The following PRKAG3 variants were observed in gnomAD, a reference collection of about 807,000 sequenced individuals.
The protein encoded by PRKAG3 is protein kinase AMP-activated non-catalytic subunit gamma 3.
Under a neutral mutation model 56.5 loss-of-function variants are expected in PRKAG3, and 39 were observed. The ratio of observed to expected loss-of-function variants is 0.69; its 90% CI spans 0.53 to 0.90. The LOEUF (loss-of-function observed/expected upper bound fraction) is 0.90. Ranked by LOEUF, PRKAG3 falls within the 40% of genes least tolerant of loss-of-function variation. PRKAG3 has a pLI of 0.00. For missense variants in PRKAG3, 628 were observed against 627.5 expected, an observed-to-expected ratio of 1.00 and a Z score of -0.01; for synonymous variants, 243 against 250.1, an observed-to-expected ratio of 0.97 and a Z score of 0.27.
intron 10 of PRKAG3, among the ~76,000 whole-genome samples, chr2:218,826,253 GT>G (rs1004167561): frequency 6.6e-6 from 1 of 152,106 alleles, no homozygotes; most frequent in African/African-American, 2.4e-5. Flanking sequence ...TACATTTGAA[GT>G]TTTTTATAAT....
Position 218,827,045 on chromosome 2 carries a change from A to T in PRKAG3, c.1051T>A (p.Leu351Met), listed in dbSNP as rs750051859. The change falls in exon 10 of 13, where the codon TTG (leucine) becomes ATG (methionine). Residue 351 changes from leucine to methionine, a missense_variant. Coordinates refer to ENST00000529249, the Ensembl canonical transcript of PRKAG3. This position sits in a 1 kb window ranked among gnomAD's most constrained non-coding sequence, Gnocchi z 5.3. Reference sequence around the variant, plus strand: ...AAGTCTCGGAATGTGCCGATGCCCAAATCTTGGATAGTGCGGTAGAGGAAG... The same window carrying T: ...AAGTCTCGGAATGTGCCGATGCCCATATCTTGGATAGTGCGGTAGAGGAAG... The T allele has an allele frequency of 1.2e-6, 2 of 1,613,910 alleles. No individual in the cohort carries two copies. Among genetic ancestry groups the T allele is most frequent in the East Asian group, 4.5e-5 (2 of 44,844 alleles).
exon 12 of PRKAG3, chr2:218,824,323 C>G (rs147429458): frequency 6.8e-6 from 11 of 1,613,988 alleles, no homozygotes; most frequent in Admixed American, 1.7e-5. Context: ...AGGGCTTCTC[C>G]CACACTCATG....
At chr2:218,826,704 AAGATG>A in intron 10 of PRKAG3, 1 of 580,572 alleles carries the variant, frequency 1.7e-6, no homozygotes, top group Admixed American at 2.9e-5. Context: ...TGAAGTCAGA[AAGATG>A]AGTGTTGTGA....
chr2:218,826,324 A>T (rs1396645995), intron 10 of PRKAG3, among the ~76,000 whole-genome samples: 1 of 152,230 alleles, frequency 6.6e-6, no homozygotes, highest in Non-Finnish European at 1.5e-5. Flanking sequence ...TTTAGCTTTG[A>T]AATATTTCAT....
Position 218,827,799 on chromosome 2 carries a change from C to A in PRKAG3, c.820+34G>T. 1 of 1,458,230 alleles carries A rather than the reference C, an allele frequency of 6.9e-7. No individual in the cohort carries two copies. Among genetic ancestry groups the A allele is most frequent in the South Asian group, 1.2e-5 (1 of 86,142 alleles). The allele number at this position is 1,458,230 out of a possible 1,614,324, so 90.3% of individuals were successfully genotyped here. ...ACCTTAAGCCCTGGCCCACCATCACCAACAGCCCTTTCCGGGTTCCTCTCC... is the reference window on the plus strand; with the variant it reads ...ACCTTAAGCCCTGGCCCACCATCACAAACAGCCCTTTCCGGGTTCCTCTCC... On this transcript the variant is annotated intron_variant, in intron 7 of 12. Coordinates refer to ENST00000529249, the Ensembl canonical transcript of PRKAG3. This position sits in a 1 kb window ranked among gnomAD's most constrained non-coding sequence, Gnocchi z 5.3.
intron 2 of PRKAG3, 94 bp from the exon 3 acceptor site, chr2:218,830,995 C>T (rs1250674272): frequency 7.1e-7 from 1 of 1,409,474 alleles, no homozygotes; most frequent in Non-Finnish European, 1.0e-6. Context: ...TGCAAGCTTC[C>T]AATGGGCTTT....
At chr2:218,828,744 T>A in intron 4 of PRKAG3, 144 bp from the exon 5 acceptor site, 16 of 610,476 alleles carry the variant, frequency 2.6e-5, no homozygotes, top group Admixed American at 8.8e-5. Context: ...TCCTGGACCC[T>A]CCTCTACACC....
At chr2:218,828,138 C>T in intron 5 of PRKAG3, 76 bp from the exon 6 acceptor site, 2 of 1,324,492 alleles carry the variant, frequency 1.5e-6, no homozygotes, top group Non-Finnish European at 2.1e-6. Flanking sequence ...ATCCCCTCCC[C>T]ACCCTGCCAG....
At chr2:218,828,040 G>A (rs780626598) in exon 6 of PRKAG3, 18 of 1,562,420 alleles carry the variant, frequency 1.2e-5, no homozygotes, top group Non-Finnish European at 1.6e-5. Flanking sequence ...GCACCAGGAT[G>A]AAGTCAGTGA....
exon 3 of PRKAG3, chr2:218,830,805 G>A: frequency 6.2e-7 from 1 of 1,613,432 alleles, no homozygotes. Context: ...CCATCTCAAG[G>A]CTTTGGCCCT....
At chr2:218,823,544 A>G (rs1943884222) in exon 13 of PRKAG3, 3 of 885,808 alleles carry the variant, frequency 3.4e-6, no homozygotes, top group African/African-American at 3.4e-5. Flanking sequence ...AGGGCTGCTC[A>G]GCTTTGAGCT....
chr2:218,825,307 G>A (rs957106476), intron 10 of PRKAG3, among the ~76,000 whole-genome samples: 4 of 144,970 alleles, frequency 2.8e-5, no homozygotes, highest in African/African-American at 1.1e-4. Context: ...TTGCATTCTA[G>A]CCCAGGCGAC....
In PRKAG3 at chr2:218,827,165, G is replaced by T; in HGVS notation, c.1003-72C>A. The T allele has an allele frequency of 3.1e-6, 5 of 1,612,790 alleles. No individual in the cohort carries two copies. The South Asian group carries it at 4.4e-5, about 14-fold the overall frequency. On this transcript the variant is annotated intron_variant, in intron 9 of 12. Coordinates refer to ENST00000529249, the Ensembl canonical transcript of PRKAG3. This position sits in a 1 kb window ranked among gnomAD's most constrained non-coding sequence, Gnocchi z 5.3. ...AAGAGGGCTCCCAGCTCTTCCCCAC[G>T]ACTGCTAGGGCTGAAGACTCCTCAG...
At chr2:218,830,477 C>A in intron 3 of PRKAG3, 96 bp from the exon 4 acceptor site, 1 of 1,465,416 alleles carries the variant, frequency 6.8e-7, no homozygotes, top group Non-Finnish European at 9.3e-7. Flanking sequence ...CAGTGGGAAG[C>A]CTGGATGCTG....
chr2:218,824,678 G>A (rs569888865), intron 10 of PRKAG3, 102 bp from the exon 11 acceptor site: 3 of 1,055,660 alleles, frequency 2.8e-6, no homozygotes, highest in African/African-American at 1.6e-5. Context: ...TTGCATCAGG[G>A]TGCCACTACC....
chr2:218,831,420 A>G (rs1400665810), intron 1 of PRKAG3, 45 bp from the exon 2 acceptor site: 16 of 1,532,170 alleles, frequency 1.0e-5, no homozygotes, highest in Non-Finnish European at 1.3e-5. Context: ...AGTGCCTTAC[A>G]TTCCCAAACC....
chr2:218,828,591 C>G, exon 5 of PRKAG3: 1 of 1,613,288 alleles, frequency 6.2e-7, no homozygotes, highest in Non-Finnish European at 8.5e-7. Context: ...GCAAAGAAGG[C>G]CTTCTTGATC....
rs1261283151 is a variant in PRKAG3 at position 218,824,376 on chromosome 2, A to T, written c.1207-8T>A. 11 of 1,614,074 alleles carry T rather than the reference A, an allele frequency of 6.8e-6. No homozygotes were observed. The highest frequency in any genetic ancestry group is 9.3e-6 in the Non-Finnish European group (11 of 1,179,998). Reference sequence around the variant, plus strand: ...TTGCTGGGCAGCCAGGTGCTGGGGCAGAGAGAGAAGTATGGCTCCTAGTCA... The same window carrying T: ...TTGCTGGGCAGCCAGGTGCTGGGGCTGAGAGAGAAGTATGGCTCCTAGTCA... On this transcript the variant is annotated splice_region_variant and splice_polypyrimidine_tract_variant and intron_variant, in intron 11 of 12. Coordinates refer to ENST00000529249, the Ensembl canonical transcript of PRKAG3.
intron 10 of PRKAG3, among the ~76,000 whole-genome samples, chr2:218,825,033 A>T (rs1482591286): frequency 6.6e-6 from 1 of 152,208 alleles, no homozygotes; most frequent in African/African-American, 2.4e-5. Context: ...ACACGAATGT[A>T]AACCATGGAC....
Sources: allele counts gnomAD v4.1 joint callset (sites outside exome capture counted in the v4.1 genomes callset), GRCh38; gene constraint gnomAD v4.1.1; non-coding constraint Gnocchi (gnomAD v3.1); transcripts MANE v1.5; gene names NCBI Gene and HGNC (gene_info 2026-07-23, HGNC 2026-07-21).